CUBN: variants seen among roughly 807,000 people sequenced by gnomAD.
CUBN encodes cubilin.
Under a neutral mutation model 405.3 loss-of-function variants are expected in CUBN, and 282 were observed. The observed-to-expected ratio is 0.70, with a 90% CI of 0.63 to 0.77. CUBN has a LOEUF of 0.77. Ranked by LOEUF, CUBN falls within the 30% of genes least tolerant of loss-of-function variation. The pLI, the probability that CUBN is intolerant of heterozygous loss-of-function variation, is 0.00. For missense variants in CUBN, 4,514 were observed against 4,475.2 expected (o/e 1.01, Z -0.25); for synonymous variants, 1,684 against 1,617.0 (o/e 1.04, Z -0.99).
chr10:16,902,061 G>GTA (rs1158952359), intron 51 of CUBN, among the ~76,000 whole-genome samples: 2 of 117,802 alleles, frequency 1.7e-5, no homozygotes, highest in South Asian at 5.2e-4. Flanking sequence ...CATATATAGG[G>GTA]TATATATATA....
At chr10:17,087,226 G>C (rs1479214923) in intron 15 of CUBN, among the ~76,000 whole-genome samples, 1 of 152,038 alleles carries the variant, frequency 6.6e-6, no homozygotes, top group Non-Finnish European at 1.5e-5. Context: ...AAAAATACAG[G>C]ACAACCTGGG....
At chr10:16,907,795 G>C in intron 48 of CUBN, 116 bp from the exon 49 acceptor site, 1 of 1,024,584 alleles carries the variant, frequency 9.8e-7, no homozygotes, top group Non-Finnish European at 1.5e-6. Context: ...GCCCCAAAAT[G>C]AATGACCTAA....
At chr10:16,953,755 G>A (rs569109186) in intron 32 of CUBN, among the ~76,000 whole-genome samples, 172 of 152,220 alleles carry the variant, frequency 1.1e-3, no homozygotes, top group African/African-American at 4.0e-3. Flanking sequence ...GGAGGCTGAG[G>A]TGGGAGGATT....
intron 56 of CUBN, 100 bp downstream of exon 56, chr10:16,888,317 C>T: frequency 1.1e-6 from 1 of 926,132 alleles, no homozygotes; most frequent in Non-Finnish European, 1.7e-6. Context: ...TGGATTTAGC[C>T]ACTCTACAAC....
chr10:16,937,568 A>G (rs1165624850), intron 39 of CUBN, 24 bp downstream of exon 39: 1 of 1,607,540 alleles, frequency 6.2e-7, no homozygotes, highest in South Asian at 1.1e-5. Context: ...TCCTAAAAAG[A>G]ACTTCATTTA....
At chr10:17,009,070 G>C (rs1834108354) in intron 28 of CUBN, among the ~76,000 whole-genome samples, 1 of 152,194 alleles carries the variant, frequency 6.6e-6, no homozygotes, top group African/African-American at 2.4e-5. Context: ...TTCAGATGCA[G>C]AGTATTGAAC....
intron 27 of CUBN, among the ~76,000 whole-genome samples, chr10:17,038,039 A>G (rs1834936732): frequency 6.6e-6 from 1 of 150,418 alleles, no homozygotes; most frequent in African/African-American, 2.4e-5. Flanking sequence ...CCCGGGTTCT[A>G]GTGATTCTCC....
intron 22 of CUBN, 100 bp downstream of exon 22, chr10:17,065,408 G>A (rs746433313): frequency 1.1e-4 from 157 of 1,453,932 alleles, no homozygotes; most frequent in Non-Finnish European, 1.5e-4. Flanking sequence ...CTCATTGTGT[G>A]CCACAGGTTT....
chr10:17,086,828 G>T (rs1354304349), intron 15 of CUBN, among the ~76,000 whole-genome samples: 2 of 152,184 alleles, frequency 1.3e-5, no homozygotes, highest in African/African-American at 4.8e-5. Context: ...AAAGAGAAAT[G>T]AGAGACATTT....
chr10:16,969,596 G>A (rs962127249), intron 31 of CUBN, among the ~76,000 whole-genome samples: 6 of 152,078 alleles, frequency 3.9e-5, no homozygotes, highest in African/African-American at 7.2e-5. Context: ...CTCATGATCC[G>A]CCTGCCTTGG....
intron 28 of CUBN, among the ~76,000 whole-genome samples, chr10:16,993,034 C>T (rs926863802): frequency 2.4e-4 from 36 of 152,166 alleles, no homozygotes; most frequent in African/African-American, 8.2e-4. Flanking sequence ...AGGATGCTTC[C>T]GGAGTGGTAC....
chr10:17,129,352 T>C, intron 1 of CUBN, 102 bp from the exon 2 acceptor site: 1 of 1,352,210 alleles, frequency 7.4e-7, no homozygotes, highest in Non-Finnish European at 1.0e-6. Context: ...CAAATACATC[T>C]TCACTTTTTG....
intron 56 of CUBN, among the ~76,000 whole-genome samples, chr10:16,886,359 A>C (rs1291608008): frequency 6.6e-6 from 1 of 152,236 alleles, no homozygotes; most frequent in Non-Finnish European, 1.5e-5. Flanking sequence ...ACATTTTGCA[A>C]AGTGTAACTT....
chr10:16,890,777 T>C (rs967405775), intron 54 of CUBN, among the ~76,000 whole-genome samples: 1 of 152,152 alleles, frequency 6.6e-6, no homozygotes. Context: ...GGTGATTTTT[T>C]AAAAATCCAC....
intron 9 of CUBN, among the ~76,000 whole-genome samples, chr10:17,110,264 G>C (rs957537930): frequency 1.7e-4 from 26 of 152,162 alleles, no homozygotes; most frequent in African/African-American, 6.3e-4. Flanking sequence ...AGTAAACTTG[G>C]TATATGCAAA....
intron 27 of CUBN, among the ~76,000 whole-genome samples, chr10:17,028,830 T>C (rs374981369): frequency 6.6e-6 from 1 of 152,148 alleles, no homozygotes; most frequent in African/African-American, 2.4e-5. Context: ...AATGTTGCAA[T>C]TGGAAATCTT....
At chr10:16,891,892 G>A (rs1025908436) in intron 54 of CUBN, among the ~76,000 whole-genome samples, 35 of 151,928 alleles carry the variant, frequency 2.3e-4, no homozygotes, top group African/African-American at 3.6e-4. Flanking sequence ...TACACAATCT[G>A]CAATACCCAA....
At chr10:16,862,160 T>TCTCTCTCACACACACA (rs144560387) in intron 59 of CUBN, among the ~76,000 whole-genome samples, 237 of 131,192 alleles carry the variant, frequency 1.8e-3, no homozygotes, top group African/African-American at 7.0e-3. Context: ...TCTCTCTCTC[T>TCTCTCTCACACACACA]CACACACACA....
At chr10:16,849,298 T>C (rs987764346) in intron 60 of CUBN, among the ~76,000 whole-genome samples, 1 of 152,204 alleles carries the variant, frequency 6.6e-6, no homozygotes, top group Admixed American at 6.5e-5. Flanking sequence ...GTTCTTTTCC[T>C]GTGCCTTTTG....
Sources: gnomAD v4.1 joint callset for allele counts (sites outside exome capture counted in the v4.1 genomes callset) on GRCh38, gnomAD v4.1.1 for gene constraint, MANE v1.5 for transcripts, NCBI Gene and HGNC (gene_info 2026-07-23, HGNC 2026-07-21) for gene names.